Variants in ANO10 observed in about 807,000 individuals in gnomAD.
ANO10 encodes anoctamin-10.
Under a neutral mutation model 74.7 loss-of-function variants are expected in ANO10, and 77 were observed. The ratio of observed to expected loss-of-function variants is 1.03; its 90% CI spans 0.86 to 1.25. The LOEUF (loss-of-function observed/expected upper bound fraction) is 1.25, where lower values mean the gene tolerates loss of function less well. ANO10 is among the 50% of genes most tolerant of loss of function. The probability of loss-of-function intolerance (pLI) is 0.00; values close to 1 mark genes in which losing one functional copy is unlikely to be tolerated. For missense variants in ANO10, 721 were observed against 778.1 expected (o/e 0.93, Z 0.87); for synonymous variants, 279 against 284.9 (o/e 0.98, Z 0.21).
At chr3:43,425,103 T>G (rs1427198869) in intron 12 of ANO10, among the ~76,000 whole-genome samples, 1 of 152,182 alleles carries the variant, frequency 6.6e-6, no homozygotes, top group African/African-American at 2.4e-5. Context: ...CAGATTAATA[T>G]GTGATTACCT....
At chr3:43,385,644 G>C (rs2092093636) in intron 12 of ANO10, among the ~76,000 whole-genome samples, 1 of 151,884 alleles carries the variant, frequency 6.6e-6, no homozygotes, top group South Asian at 2.1e-4. Flanking sequence ...GAGACATTAA[G>C]TAAGGTAACT....
chr3:43,394,644 C>T (rs1229928544), intron 12 of ANO10, among the ~76,000 whole-genome samples: 1 of 152,180 alleles, frequency 6.6e-6, no homozygotes, highest in Non-Finnish European at 1.5e-5. Flanking sequence ...AATCATTTCC[C>T]ATGGTAGTGA....
intron 11 of ANO10, among the ~76,000 whole-genome samples, chr3:43,526,380 T>C (rs1559649988): frequency 6.6e-6 from 1 of 152,222 alleles, no homozygotes; most frequent in Non-Finnish European, 1.5e-5. Flanking sequence ...TGTGGAGTCT[T>C]GTGGCTCTCT....
chr3:43,441,916 T>C (rs1214374212), intron 11 of ANO10, among the ~76,000 whole-genome samples: 11 of 152,078 alleles, frequency 7.2e-5, no homozygotes, highest in Non-Finnish European at 2.9e-5. Flanking sequence ...ATTATTTCAA[T>C]TGATGCAAAA....
At chr3:43,578,595 C>G (rs957266586) in intron 5 of ANO10, among the ~76,000 whole-genome samples, 2 of 151,856 alleles carry the variant, frequency 1.3e-5, no homozygotes, top group African/African-American at 2.4e-5. Flanking sequence ...ACCAAAAATA[C>G]AAAAATTAGC....
chr3:43,598,841 TA>T (rs1223656027), intron 3 of ANO10, among the ~76,000 whole-genome samples, 175 bp from the exon 4 acceptor site: 1 of 152,160 alleles, frequency 6.6e-6, no homozygotes, highest in Non-Finnish European at 1.5e-5. Flanking sequence ...TTTATAAGAA[TA>T]AAAAAATTCT....
intron 1 of ANO10, among the ~76,000 whole-genome samples, chr3:43,609,257 C>T (rs565969350): frequency 6.6e-6 from 1 of 152,256 alleles, no homozygotes; most frequent in South Asian, 2.1e-4. Context: ...ATGTTTTTTC[C>T]TACTAAATGA....
chr3:43,651,298 C>T (rs1324127888), intron 1 of ANO10, among the ~76,000 whole-genome samples: 1 of 151,416 alleles, frequency 6.6e-6, no homozygotes, highest in Non-Finnish European at 1.5e-5. Flanking sequence ...GAAAAACCTA[C>T]ACAAAATGAT....
intron 11 of ANO10, among the ~76,000 whole-genome samples, chr3:43,446,059 G>A (rs553841635): frequency 5.3e-5 from 8 of 152,252 alleles, no homozygotes; most frequent in Non-Finnish European, 7.3e-5. Context: ...AGAGAGAAAC[G>A]TATAGATATC....
At chr3:43,691,188 C>A (rs2084371409) in intron 1 of ANO10, 3 of 771,194 alleles carry the variant, frequency 3.9e-6, no homozygotes, top group Non-Finnish European at 1.8e-6. Context: ...TGAGTCCGCG[C>A]GGCGCCCAGA....
intron 12 of ANO10, among the ~76,000 whole-genome samples, chr3:43,409,415 T>C (rs2148888608): frequency 6.6e-6 from 1 of 152,162 alleles, no homozygotes; most frequent in Non-Finnish European, 1.5e-5. Context: ...GGGCATGGCA[T>C]GCATCTTTGG....
intron 12 of ANO10, among the ~76,000 whole-genome samples, chr3:43,404,219 A>T (rs2092534471): frequency 6.6e-6 from 1 of 152,178 alleles, no homozygotes; most frequent in South Asian, 2.1e-4. Context: ...GTGGCTTTGT[A>T]TAAGTAAGTG....
intron 1 of ANO10, among the ~76,000 whole-genome samples, chr3:43,682,459 G>A (rs914664220): frequency 1.3e-5 from 2 of 152,156 alleles, no homozygotes; most frequent in Non-Finnish European, 2.9e-5. Flanking sequence ...ACCAAAAAAA[G>A]TTCAGGACCA....
At chr3:43,450,940 T>C (rs1253898724) in intron 11 of ANO10, among the ~76,000 whole-genome samples, 1 of 152,202 alleles carries the variant, frequency 6.6e-6, no homozygotes, top group African/African-American at 2.4e-5. Flanking sequence ...TCCAGGCATT[T>C]TTTTCTGTTG....
chr3:43,567,503 G>A (rs1401061722), intron 7 of ANO10, among the ~76,000 whole-genome samples: 1 of 152,066 alleles, frequency 6.6e-6, no homozygotes, highest in East Asian at 1.9e-4. Flanking sequence ...AACTCTACAA[G>A]CCAGAAGAGA....
At position 43,600,274 on chromosome 3, in the gene ANO10, A is replaced by G. The variant is rs2082278689; in HGVS notation, c.337+110T>C. Reference sequence around the variant, plus strand: ...CCACACGGACTGCAAAACCTAAAATATTTACTATTTGACCCTTTACTGAAA... The same window carrying G: ...CCACACGGACTGCAAAACCTAAAATGTTTACTATTTGACCCTTTACTGAAA... On this transcript the variant is annotated intron_variant, in intron 3 of 12. Coordinates refer to ENST00000292246, the MANE Select transcript of ANO10 (RefSeq NM_018075.5). 2.8e-5 allele frequency: 35 copies of G among 1,261,736 alleles called. No homozygotes were observed. The South Asian group carries it at 4.0e-4, about 15-fold the overall frequency. The allele number at this position is 1,261,736 out of a possible 1,614,324, so 78.2% of individuals were successfully genotyped here.
chr3:43,417,464 C>T (rs1460261398), intron 12 of ANO10, among the ~76,000 whole-genome samples: 3 of 152,122 alleles, frequency 2.0e-5, no homozygotes, highest in Non-Finnish European at 4.4e-5. Context: ...CTACAAAGTC[C>T]GGCGCATCCA....
At chr3:43,422,939 G>A (rs1484733580) in intron 12 of ANO10, among the ~76,000 whole-genome samples, 2 of 152,146 alleles carry the variant, frequency 1.3e-5, no homozygotes, top group East Asian at 1.9e-4. Context: ...GGAGGAAAAA[G>A]TCTACCCATC....
chr3:43,448,021 C>T (rs1575840471), intron 11 of ANO10, among the ~76,000 whole-genome samples: 1 of 152,104 alleles, frequency 6.6e-6, no homozygotes, highest in Non-Finnish European at 1.5e-5. Flanking sequence ...TAGGTTTAGA[C>T]AAGGTCATAA....
Sources: gnomAD v4.1 joint callset for allele counts (sites outside exome capture counted in the v4.1 genomes callset) on GRCh38, gnomAD v4.1.1 for gene constraint, MANE v1.5 for transcripts, NCBI Gene and HGNC (gene_info 2026-07-23, HGNC 2026-07-21) for gene names.